CDH5: variants seen among roughly 807,000 people sequenced by gnomAD.
CDH5 encodes cadherin 5.
In CDH5, 28 loss-of-function variants were observed where a neutral mutation model predicts 62.0. The ratio of observed to expected loss-of-function variants is 0.45; its 90% confidence interval spans 0.33 to 0.62. CDH5 has a LOEUF of 0.62. Among genes scored for constraint, CDH5 ranks in the 20% least tolerant of loss-of-function variants. CDH5 has a pLI of 0.02. For missense variants in CDH5, 940 were observed against 1,065.1 expected (o/e 0.88, Z 1.63); for synonymous variants, 464 against 445.8 (o/e 1.04, Z -0.52).
At chr16:66,381,586 A>T (rs1382881465) in intron 2 of CDH5, among the ~76,000 whole-genome samples, 2 of 152,194 alleles carry the variant, frequency 1.3e-5, no homozygotes, top group East Asian at 3.8e-4. Flanking sequence ...TGACAGGTGC[A>T]AAAAAGAACA....
At chr16:66,380,862 G>A (rs1960886077) in intron 2 of CDH5, among the ~76,000 whole-genome samples, 1 of 151,904 alleles carries the variant, frequency 6.6e-6, no homozygotes, top group Admixed American at 6.6e-5. Context: ...TGAAAGATAA[G>A]TGTTGATAGT....
intron 7 of CDH5, chr16:66,395,740 T>C (rs1961173865): frequency 9.6e-6 from 2 of 208,028 alleles, no homozygotes; most frequent in South Asian, 3.5e-4. Flanking sequence ...TGCCCAATGA[T>C]CTTTTCATTA....
intron 5 of CDH5, 150 bp from the exon 6 acceptor site, chr16:66,390,253 T>C (rs1031569920): frequency 9.8e-6 from 6 of 611,882 alleles, no homozygotes; most frequent in African/African-American, 3.7e-5. Flanking sequence ...GAAGACCCTC[T>C]TTACCTTGAG....
chr16:66,376,081 A>G (rs1003664035), intron 1 of CDH5, among the ~76,000 whole-genome samples: 4 of 151,850 alleles, frequency 2.6e-5, no homozygotes, highest in African/African-American at 4.9e-5. Context: ...GCTGCACTCC[A>G]GAACAAAACT....
intron 9 of CDH5, 102 bp downstream of exon 9, chr16:66,398,208 C>G (rs1961221067): frequency 1.5e-6 from 2 of 1,372,270 alleles, no homozygotes; most frequent in African/African-American, 2.9e-5. Context: ...TGTACAATAG[C>G]CTTGAGGAAA....
intron 2 of CDH5, among the ~76,000 whole-genome samples, chr16:66,383,947 T>G (rs755337668): frequency 6.6e-6 from 1 of 151,992 alleles, no homozygotes; most frequent in Non-Finnish European, 1.5e-5. Flanking sequence ...CACTGAGGGC[T>G]CCAATGACTG....
At position 66,380,039 on chromosome 16, in the gene CDH5, G is replaced by A. The variant is rs1315185012; in HGVS notation, c.210+492G>A. Among the ~76,000 whole-genome samples, 14 of 2,784 alleles carry A rather than the reference G, an allele frequency of 5.0e-3. 1 individual carries two copies. The highest frequency in any genetic ancestry group is 0.041 in the African/African-American group (13 of 314). 1.8% of individuals were successfully genotyped at this position (2,784 alleles called of 152,430 possible). A position where few individuals can be genotyped will look rare whatever the true frequency, so the allele number is the denominator to read the frequency against. ...GGTGGTGGTGGTGATCATGGTGATG[G>A]TGGTGATGATAAAGGGGTAGGTGTT... On this transcript the variant is annotated intron_variant, in intron 2 of 11. Transcript: ENST00000341529.
intron 2 of CDH5, among the ~76,000 whole-genome samples, chr16:66,384,215 G>T (rs1468638174): frequency 6.6e-6 from 1 of 150,398 alleles, no homozygotes; most frequent in Non-Finnish European, 1.5e-5. Context: ...CTCCCAAGTA[G>T]CTGAGACTAC....
intron 1 of CDH5, among the ~76,000 whole-genome samples, chr16:66,367,144 C>A (rs1174516733): frequency 6.6e-6 from 1 of 152,258 alleles, no homozygotes; most frequent in African/African-American, 2.4e-5. Flanking sequence ...CCCCTCGGTG[C>A]CTTACCCTTA....
intron 11 of CDH5, among the ~76,000 whole-genome samples, chr16:66,401,832 G>T (rs1288371464): frequency 6.6e-6 from 1 of 152,184 alleles, no homozygotes; most frequent in Non-Finnish European, 1.5e-5. Flanking sequence ...CGCAGCAGGG[G>T]CTGATCCTCC....
chr16:66,400,984 T>C lies in CDH5; in HGVS notation c.1805T>C (p.Val602Ala), dbSNP rs779632798. The C allele has an allele frequency of 1.9e-6, 3 of 1,614,034 alleles. No homozygotes were observed. The Admixed American group carries it at 5.0e-5, about 27-fold the overall frequency. Residue 602 changes from valine to alanine, a missense_variant, in exon 11 of 12, where the codon GTA becomes GCA. Coordinates refer to ENST00000341529, the MANE Select transcript of CDH5 (RefSeq NM_001795.5). Reference protein sequence around the residue: ...AQVGVSIQAVVAILLCILTIT... With the variant: ...AQVGVSIQAVAAILLCILTIT... The stretch of plus-strand genomic sequence containing the variant: ...GTGGGCGTGAGCATCCAGGCAGTGG[T>C]AGCCATCTTACTCTGCATCCTCACC...
chr16:66,370,567 C>T (rs1420572724), intron 1 of CDH5, among the ~76,000 whole-genome samples: 1 of 152,168 alleles, frequency 6.6e-6, no homozygotes, highest in Non-Finnish European at 1.5e-5. Flanking sequence ...ACCAGGCTGA[C>T]AGGCAGCACG....
In CDH5 at chr16:66,402,818, C is replaced by A. The variant is rs1157903775; in HGVS notation, c.2004C>A (p.Arg668=). The change falls in exon 12 of 12, where the codon CGC becomes CGA. Residue 668 remains arginine, a synonymous_variant. Transcript: ENST00000341529. ...YDVSVLNSVR[R]GGAKPPRPAL... is the part of the protein sequence containing the mutation. Reference sequence around the variant, plus strand: ...TGTCGGTGCTCAACTCGGTGCGCCGCGGCGGGGCCAAGCCCCCGCGGCCCG... The same window carrying A: ...TGTCGGTGCTCAACTCGGTGCGCCGAGGCGGGGCCAAGCCCCCGCGGCCCG... The A allele has an allele frequency of 7.5e-6, 12 of 1,599,126 alleles. No homozygotes were observed. The highest frequency in any genetic ancestry group is 1.0e-5 in the Non-Finnish European group (12 of 1,173,764).
chr16:66,373,923 G>A (rs925201277), intron 1 of CDH5, among the ~76,000 whole-genome samples: 1 of 152,138 alleles, frequency 6.6e-6, no homozygotes, highest in East Asian at 1.9e-4. Flanking sequence ...GCGCTGGCAT[G>A]GATGAAGACC....
rs775342920 is a variant in CDH5 at position 66,398,096 on chromosome 16, T to C, written c.1475T>C (p.Val492Ala). 1 of 1,614,198 alleles carries C rather than the reference T, an allele frequency of 6.2e-7. No individual in the cohort carries two copies. Among genetic ancestry groups the C allele is most frequent in the Non-Finnish European group, 8.5e-7 (1 of 1,180,040 alleles). ...PYQPKVCENA[V>A]HGQLVLQISA... ...CAGCCCAAAGTGTGTGAGAACGCTG[T>C]CCATGGCCAGGTGAGTCTGGTTCAG... The change falls in exon 9 of 12, where the codon GTC becomes GCC. Residue 492 changes from valine (V) to alanine (A), a missense_variant. Coordinates refer to ENST00000341529, the MANE Select transcript of CDH5 (RefSeq NM_001795.5).
chr16:66,386,738 C>T, intron 2 of CDH5, 71 bp from the exon 3 acceptor site: 1 of 1,366,270 alleles, frequency 7.3e-7, no homozygotes, highest in South Asian at 1.4e-5. Flanking sequence ...TGTGTACACA[C>T]ACTCTCACTC....
intron 7 of CDH5, 184 bp from the exon 8 acceptor site, chr16:66,395,875 T>C (rs1957572659): frequency 1.8e-6 from 1 of 556,574 alleles, no homozygotes; most frequent in Non-Finnish European, 3.1e-6. Context: ...AGACATTATC[T>C]TGCTATCCTG....
At chr16:66,398,267 A>C (rs1051362412) in intron 9 of CDH5, among the ~76,000 whole-genome samples, 161 bp downstream of exon 9, 3 of 152,186 alleles carry the variant, frequency 2.0e-5, no homozygotes, top group Admixed American at 6.5e-5. Flanking sequence ...CTCAGAGGGA[A>C]TATATGGGGA....
intron 1 of CDH5, among the ~76,000 whole-genome samples, chr16:66,369,570 T>C (rs1001568350): frequency 6.6e-6 from 1 of 152,134 alleles, no homozygotes; most frequent in Non-Finnish European, 1.5e-5. Flanking sequence ...CCTCATTCTG[T>C]TCCCCGCACT....
Sources: gnomAD v4.1 joint callset for allele counts (sites outside exome capture counted in the v4.1 genomes callset) on GRCh38, gnomAD v4.1.1 for gene constraint, MANE v1.5 for transcripts, NCBI Gene and HGNC (gene_info 2026-07-23, HGNC 2026-07-21) for gene names.